Variants in NCOA4 observed in about 807,000 individuals in gnomAD.
The protein encoded by NCOA4 is 70 kDa AR-activator.
In NCOA4, 31 loss-of-function variants were observed where a neutral mutation model predicts 69.5. That is an observed-to-expected ratio of 0.45 (90% CI 0.34 to 0.60). The LOEUF (loss-of-function observed/expected upper bound fraction) is 0.60. Ranked by LOEUF, NCOA4 falls within the 20% of genes least tolerant of loss-of-function variation. NCOA4 has a pLI of 0.02. For synonymous variants in NCOA4, 228 were observed against 252.4 expected (o/e 0.90, Z 0.92); for missense variants, 600 against 719.2 (o/e 0.83, Z 1.90).
At position 46,025,798 on chromosome 10, in the gene NCOA4, CAT is replaced by C. The variant is rs150249953; in HGVS notation, c.-15+4726_-15+4727del. ...TGGGTTTCCGGCAGGACGCCTGTAA[CAT>C]ATGTTACCCTATTGTTACATGCCTG... On this transcript the variant is annotated intron_variant, in intron 1 of 9. Transcript: ENST00000581486. 4.8e-3 allele frequency among the ~76,000 whole-genome samples: 724 copies of C among 152,352 alleles called. 5 individuals are homozygous for C. The highest frequency in any genetic ancestry group is 0.019 in the East Asian group (97 of 5,182).
chr10:46,023,091 G>A (rs1476059113), intron 1 of NCOA4, among the ~76,000 whole-genome samples: 1 of 152,188 alleles, frequency 6.6e-6, no homozygotes, highest in Non-Finnish European at 1.5e-5. Flanking sequence ...CGACCGCAAG[G>A]CATTTCTAAT....
At chr10:46,009,119 C>A (rs1554920450) in intron 9 of NCOA4, 13 of 1,531,980 alleles carry the variant, frequency 8.5e-6, no homozygotes, top group Non-Finnish European at 1.1e-5. Context: ...TGGAACCAAA[C>A]CCACCTTCGA....
chr10:46,023,537 C>G, intron 1 of NCOA4: 2 of 984,972 alleles, frequency 2.0e-6, no homozygotes, highest in Non-Finnish European at 2.4e-6. Context: ...TTGCCCTGCT[C>G]CCAGCCAGTC....
At chr10:46,011,263 TTC>T (rs1554921495) in intron 7 of NCOA4, 57 bp from the exon 8 acceptor site, 2 of 1,500,016 alleles carry the variant, frequency 1.3e-6, no homozygotes, top group African/African-American at 1.4e-5. Flanking sequence ...GCTTTGGAGA[TTC>T]TGTCTGCACT....
At chr10:46,016,820 C>G in intron 1 of NCOA4, 126 bp from the exon 2 acceptor site, 1 of 521,690 alleles carries the variant, frequency 1.9e-6, no homozygotes, top group Non-Finnish European at 3.0e-6. Flanking sequence ...TTTCCAACAC[C>G]AAACCTAGCA....
At chr10:46,021,054 G>T (rs1459035172) in intron 1 of NCOA4, among the ~76,000 whole-genome samples, 1 of 152,138 alleles carries the variant, frequency 6.6e-6, no homozygotes, top group Non-Finnish European at 1.5e-5. Context: ...CCGCAACAAG[G>T]AATTCTTTAA....
intron 7 of NCOA4, among the ~76,000 whole-genome samples, chr10:46,012,070 G>GGAAAAAA (rs1839247374): frequency 2.2e-5 from 1 of 44,526 alleles, no homozygotes; most frequent in Non-Finnish European, 4.1e-5. Flanking sequence ...CAAAAAGAAA[G>GGAAAAAA]AAAAAAAAAA....
Position 46,029,046 on chromosome 10 carries a change from AAAG to A in NCOA4, c.-15+1477_-15+1479del, listed in dbSNP as rs782106685. 4.7e-3 allele frequency among the ~76,000 whole-genome samples: 708 copies of A among 150,330 alleles called. 5 individuals carry two copies. The highest frequency in any genetic ancestry group is 0.019 in the East Asian group (96 of 4,938). ...TATACTGATTTAATAAAAAAAAAAA[AAAG>A]GGGGGGGTGAGGGGTACTATGTAGT... On this transcript the variant is annotated intron_variant, in intron 1 of 9. Coordinates refer to ENST00000581486, the MANE Select transcript of NCOA4 (RefSeq NM_001145263.2).
At chr10:46,014,150 C>T (rs1839397995) in intron 5 of NCOA4, among the ~76,000 whole-genome samples, 1 of 152,052 alleles carries the variant, frequency 6.6e-6, no homozygotes, top group South Asian at 2.1e-4. Flanking sequence ...CCTCAGCCTT[C>T]CAAGTAGCTG....
At position 46,011,155 on chromosome 10, in the gene NCOA4, C is replaced by G; in HGVS notation, c.766G>C (p.Gly256Arg). 2 of 1,607,618 alleles carry G rather than the reference C, an allele frequency of 1.2e-6. No homozygotes were observed. The highest frequency in any genetic ancestry group is 1.7e-6 in the Non-Finnish European group (2 of 1,178,078). Residue 256 changes from glycine (G) to arginine (R), a missense_variant, in exon 8 of 10, where the codon GGC (glycine) becomes CGC (arginine). Physicochemically the swap from Gly to Arg is moderately radical, Grantham distance 125 (BLOSUM62 -2). Coordinates refer to ENST00000581486, the MANE Select transcript of NCOA4 (RefSeq NM_001145263.2). ...CTCTTGAGGAGCCAGTTTTCTAAGCCCTTTAGGTTTCCCCCGACATTATTG... is the reference window on the plus strand; with the variant it reads ...CTCTTGAGGAGCCAGTTTTCTAAGCGCTTTAGGTTTCCCCCGACATTATTG... Reference protein sequence around the residue: ...FFNNVGGNLKGLENWLLKSEK... With the variant: ...FFNNVGGNLKRLENWLLKSEK...
intron 7 of NCOA4, among the ~76,000 whole-genome samples, chr10:46,011,509 T>C (rs1264272210): frequency 6.6e-6 from 1 of 151,178 alleles, no homozygotes; most frequent in Non-Finnish European, 1.5e-5. Flanking sequence ...TCTCCTGACC[T>C]CGTGATCCGC....
chr10:46,010,939 ACTT>A lies in NCOA4; in HGVS notation c.979_981del (p.Lys327del). ...TTATAGGACTGGAATAAGAGCTTAA[ACTT>A]CTCACTGGTTTCACGACTGCCATTC... On this transcript the variant is annotated inframe_deletion, in exon 8 of 10. Transcript: ENST00000581486. 6.2e-7 allele frequency: 1 copy of A among 1,613,914 alleles called. No homozygotes were observed.
intron 2 of NCOA4, among the ~76,000 whole-genome samples, chr10:46,015,540 C>G (rs1217594219): frequency 6.6e-6 from 1 of 152,162 alleles, no homozygotes; most frequent in African/African-American, 2.4e-5. Context: ...GCCATAAAGG[C>G]ATACCTAAAC....
chr10:46,014,611 T>C, intron 4 of NCOA4, 59 bp from the exon 5 acceptor site: 2 of 1,312,044 alleles, frequency 1.5e-6, no homozygotes, highest in African/African-American at 1.5e-5. Context: ...ATCAACTTCA[T>C]CTAAAACAAA....
At chr10:46,015,398 A>C in intron 2 of NCOA4, 132 bp from the exon 3 acceptor site, 1 of 721,662 alleles carries the variant, frequency 1.4e-6, no homozygotes. Flanking sequence ...TAATTATCCA[A>C]TGACATCTAT....
chr10:46,010,225 G>C lies in NCOA4; in HGVS notation c.1696C>G (p.Gln566Glu), dbSNP rs1460073983. 3.3e-5 allele frequency: 53 copies of C among 1,600,030 alleles called. No individual in the cohort carries two copies. Among genetic ancestry groups the C allele is most frequent in the Non-Finnish European group, 4.4e-5 (52 of 1,175,450 alleles). Reference protein sequence around the residue: ...EDKWLLRKKAQEVLLNSPLQE... With the variant: ...EDKWLLRKKAEEVLLNSPLQE... Reference sequence around the variant, plus strand: ...GCTATTTTGATGTTTATGCTCACCTGGGCCTTCTTTCGAAGCAGCCACTTG... The same window carrying C: ...GCTATTTTGATGTTTATGCTCACCTCGGCCTTCTTTCGAAGCAGCCACTTG... The change falls in exon 8 of 10, where the codon CAG becomes GAG. Residue 566 changes from glutamine (Q) to glutamate (E), a missense_variant and splice_region_variant. Coordinates refer to ENST00000581486, the MANE Select transcript of NCOA4 (RefSeq NM_001145263.2).
In NCOA4 at chr10:46,015,242, T is replaced by C. The variant is rs782728572; in HGVS notation, c.166A>G (p.Ile56Val). The C allele has an allele frequency of 2.5e-6, 4 of 1,613,728 alleles. No individual in the cohort carries two copies. The highest frequency in any genetic ancestry group is 1.1e-5 in the South Asian group (1 of 91,080). ...CTAAGACATTCCAGGTGACGGCTTA[T>C]GCAACTGTGAATCTGAGCTTTGACC... is the stretch of plus-strand genomic sequence containing the variant. The part of the protein sequence containing the change: ...REVKAQIHSC[I>V]SRHLECLRSR... The change falls in exon 3 of 10, where the codon ATA (isoleucine) becomes GTA (valine). Residue 56 changes from isoleucine to valine, a missense_variant. Physicochemically the swap from Ile to Val is conservative, Grantham distance 29. Transcript: ENST00000581486.
At chr10:46,025,066 C>G (rs1335432131) in intron 1 of NCOA4, among the ~76,000 whole-genome samples, 1 of 152,190 alleles carries the variant, frequency 6.6e-6, no homozygotes, top group Non-Finnish European at 1.5e-5. Flanking sequence ...TGTCTGCAAG[C>G]TGGAGACCCT....
chr10:46,007,700 C>T lies in NCOA4; in HGVS notation c.1840-1103G>A, dbSNP rs565003127. Among the ~76,000 whole-genome samples the T allele has an allele frequency of 1.5e-4, 22 of 150,922 alleles. No individual in the cohort carries two copies. The South Asian group carries it at 2.7e-3, about 19-fold the overall frequency. On this transcript the variant is annotated intron_variant, in intron 9 of 9. Coordinates refer to ENST00000581486, the MANE Select transcript of NCOA4 (RefSeq NM_001145263.2). ...CTTGACCTCCCAGACACAAGATTCT[C>T]CCACCTCAGCCTCCTGAGTAGCTGG... is the stretch of plus-strand genomic sequence containing the variant.
Sources: gnomAD v4.1 joint callset for allele counts (sites outside exome capture counted in the v4.1 genomes callset) on GRCh38, gnomAD v4.1.1 for gene constraint, MANE v1.5 for transcripts, NCBI Gene and HGNC (gene_info 2026-07-23, HGNC 2026-07-21) for gene names.